The following NRXN3 variants were observed in gnomAD, a reference collection of about 807,000 sequenced individuals.
The protein encoded by NRXN3 is neurexin 3.
Under a neutral mutation model 137.6 loss-of-function variants are expected in NRXN3, and 32 were observed. That is an observed-to-expected ratio of 0.23 (90% CI 0.18 to 0.31). The LOEUF is 0.31. NRXN3 is among the 10% of genes least tolerant of loss of function. NRXN3 has a pLI of 1.00. For missense variants in NRXN3, 1,574 were observed against 2,062.5 expected, an observed-to-expected ratio of 0.76 and a Z score of 4.59; for synonymous variants, 798 against 784.5, an observed-to-expected ratio of 1.02 and a Z score of -0.29.
intron 16 of NRXN3, among the ~76,000 whole-genome samples, chr14:79,481,039 C>G (rs2153637793): frequency 6.6e-6 from 1 of 152,216 alleles, no homozygotes; most frequent in East Asian, 1.9e-4. Context: ...CAACTTTTCT[C>G]TTAACCACCT....
chr14:78,679,230 T>C (rs1302004716), intron 6 of NRXN3, among the ~76,000 whole-genome samples: 2 of 152,190 alleles, frequency 1.3e-5, no homozygotes, highest in Non-Finnish European at 2.9e-5. Context: ...CCTTATCTTC[T>C]CTCTAGAGTT....
At chr14:79,432,238 C>A (rs2095770973) in intron 15 of NRXN3, among the ~76,000 whole-genome samples, 2 of 152,000 alleles carry the variant, frequency 1.3e-5, no homozygotes, top group African/African-American at 4.8e-5. Flanking sequence ...TATTTCCATA[C>A]TTTTGCTCAG....
Position 79,491,239 on chromosome 14 carries a change from A to G in NRXN3, c.3444+23837A>G, listed in dbSNP as rs111531935. ...AGTAGCTGAGGCAAAATTTGAATCCATTTTGCCTGGAGCCCAAGCCCAGGT... is the reference window on the plus strand; with the variant it reads ...AGTAGCTGAGGCAAAATTTGAATCCGTTTTGCCTGGAGCCCAAGCCCAGGT... On this transcript the variant is annotated intron_variant, in intron 16 of 20. Transcript: ENST00000335750. Among the ~76,000 whole-genome samples, 5 of 152,194 alleles carry G rather than the reference A, an allele frequency of 3.3e-5. 1 individual carries two copies. The highest frequency in any genetic ancestry group is 1.2e-4 in the African/African-American group (5 of 41,522).
intron 15 of NRXN3, among the ~76,000 whole-genome samples, chr14:79,203,474 C>T (rs977808376): frequency 6.6e-6 from 1 of 152,092 alleles, no homozygotes; most frequent in Non-Finnish European, 1.5e-5. Context: ...TGCGGCACAC[C>T]CCTACATATG....
chr14:78,365,489 C>T (rs1241568909), intron 4 of NRXN3, among the ~76,000 whole-genome samples: 1 of 152,132 alleles, frequency 6.6e-6, no homozygotes, highest in Non-Finnish European at 1.5e-5. Context: ...TAAGGTTTTG[C>T]AGGCCAGATC....
intron 16 of NRXN3, among the ~76,000 whole-genome samples, chr14:79,631,935 C>T (rs1281140723): frequency 3.3e-5 from 5 of 152,108 alleles, no homozygotes; most frequent in Non-Finnish European, 5.9e-5. Context: ...TCTGTCAAAA[C>T]GGACCAATCA....
rs76633474 is a variant in NRXN3, at chr14:79,713,478, G to GTATATATA, written c.4014+15553_4014+15560dup. On this transcript the variant is annotated intron_variant, in intron 19 of 20. Transcript: ENST00000335750. ...AGTAGAGATCTGAGATATATATAAT[G>GTATATATA]TATATATATATATATATATTTGAAC... is the stretch of plus-strand genomic sequence containing the variant. Among the ~76,000 whole-genome samples, 416 of 135,336 alleles carry GTATATATA rather than the reference G, an allele frequency of 3.1e-3. 1 individual carries two copies. Among genetic ancestry groups the GTATATATA allele is most frequent in the Middle Eastern group, 8.0e-3 (2 of 250 alleles). The allele number at this position is 135,336 out of a possible 152,430, so 88.8% of individuals were successfully genotyped here.
intron 15 of NRXN3, among the ~76,000 whole-genome samples, chr14:79,110,491 A>G (rs1405414163): frequency 6.6e-6 from 1 of 152,208 alleles, no homozygotes; most frequent in African/African-American, 2.4e-5. Context: ...TTGTCTTTTT[A>G]TTCATTGCTT....
intron 10 of NRXN3, among the ~76,000 whole-genome samples, chr14:78,943,506 G>T (rs747936271): frequency 6.7e-6 from 1 of 149,780 alleles, no homozygotes; most frequent in Non-Finnish European, 1.5e-5. Flanking sequence ...AGGGAAAGAG[G>T]CAGGGTTATG....
intron 19 of NRXN3, among the ~76,000 whole-genome samples, chr14:79,770,625 G>T (rs1299806496): frequency 8.6e-5 from 13 of 150,318 alleles, no homozygotes; most frequent in African/African-American, 2.9e-4. Context: ...ATTCAAAGCA[G>T]TGTGTAGAGG....
chr14:79,620,377 G>T (rs1407423233), intron 16 of NRXN3, among the ~76,000 whole-genome samples: 13 of 152,144 alleles, frequency 8.5e-5, no homozygotes, highest in Admixed American at 7.2e-4. Flanking sequence ...CCATGCATAT[G>T]TGTTTTAAGT....
At chr14:79,733,110 G>A (rs1362350930) in intron 19 of NRXN3, among the ~76,000 whole-genome samples, 3 of 151,930 alleles carry the variant, frequency 2.0e-5, no homozygotes, top group African/African-American at 7.3e-5. Context: ...TGTCTCTTCC[G>A]GCAACAGCAG....
chr14:78,427,958 C>CAAAT (rs1481696105), intron 4 of NRXN3, among the ~76,000 whole-genome samples: 1 of 152,164 alleles, frequency 6.6e-6, no homozygotes, highest in African/African-American at 2.4e-5. Flanking sequence ...GCTTAGGCAC[C>CAAAT]AAATGACTTT....
chr14:78,623,377 A>G lies in NRXN3; in HGVS notation c.758-21743A>G, dbSNP rs1389920974. Among the ~76,000 whole-genome samples the G allele has an allele frequency of 3.3e-5, 5 of 152,190 alleles. 1 individual carries two copies. In the South Asian group the frequency reaches 8.3e-4, roughly 25 times the overall value. On this transcript the variant is annotated intron_variant, in intron 4 of 20. Transcript: ENST00000335750. ...AACGTGTGAAAAATTCTTTTTGGCC[A>G]CTGGCTTCTGATGACTCAAATTGTC...
chr14:79,382,304 A>G (rs1251153246), intron 15 of NRXN3, among the ~76,000 whole-genome samples: 4 of 152,202 alleles, frequency 2.6e-5, no homozygotes, highest in Non-Finnish European at 2.9e-5. Flanking sequence ...TGGAGAAAGT[A>G]CAAAGATACC....
intron 4 of NRXN3, among the ~76,000 whole-genome samples, chr14:78,535,302 C>G (rs1344213382): frequency 6.6e-6 from 1 of 152,126 alleles, no homozygotes; most frequent in Non-Finnish European, 1.5e-5. Context: ...GTCTGTTGAA[C>G]TTGGGGCTTA....
intron 19 of NRXN3, among the ~76,000 whole-genome samples, chr14:79,727,178 C>G (rs1477868668): frequency 6.6e-6 from 1 of 152,104 alleles, no homozygotes; most frequent in African/African-American, 2.4e-5. Context: ...TTCCGATAAG[C>G]TTTTCTTAGC....
At chr14:78,428,008 C>T (rs1333907449) in intron 4 of NRXN3, among the ~76,000 whole-genome samples, 1 of 152,156 alleles carries the variant, frequency 6.6e-6, no homozygotes. Context: ...ACATTCCTGC[C>T]TGTGAGTTTG....
At chr14:78,570,589 G>C (rs79429995) in intron 4 of NRXN3, among the ~76,000 whole-genome samples, 2,231 of 152,292 alleles carry the variant, frequency 0.015, 41 homozygotes, top group African/African-American at 0.052. Flanking sequence ...TGGCCAAGCA[G>C]TTCTCCAGCA....
Sources: gnomAD v4.1 joint callset for allele counts (sites outside exome capture counted in the v4.1 genomes callset) on GRCh38, gnomAD v4.1.1 for gene constraint, MANE v1.5 for transcripts, NCBI Gene and HGNC (gene_info 2026-07-23, HGNC 2026-07-21) for gene names.